The following SAMMSON variants were observed in gnomAD, a reference collection of about 807,000 sequenced individuals.
The protein encoded by SAMMSON is survival associated mitochondrial melanoma specific oncogenic non-coding RNA, also known as long intergenic non-protein coding RNA 1212.
intron 4 of SAMMSON, among the ~76,000 whole-genome samples, chr3:70,214,510 G>A (rs1003926768): frequency 1.3e-5 from 2 of 151,778 alleles, no homozygotes; most frequent in East Asian, 3.9e-4. Flanking sequence ...GGATTAAAGA[G>A]TACAAAAGAA....
intron 6 of SAMMSON, among the ~76,000 whole-genome samples, chr3:70,290,594 C>G (rs927864741): frequency 1.2e-4 from 18 of 152,220 alleles, no homozygotes; most frequent in Non-Finnish European, 2.5e-4. Flanking sequence ...CCACCCAGTT[C>G]GAGTTTCCGG....
chr3:70,085,967 A>G (rs2067283938), intron 4 of SAMMSON, among the ~76,000 whole-genome samples: 1 of 152,188 alleles, frequency 6.6e-6, no homozygotes, highest in African/African-American at 2.4e-5. Flanking sequence ...CAATACTAAG[A>G]GGTCTAGGCT....
chr3:70,043,262 T>C (rs1161935271), intron 3 of SAMMSON, among the ~76,000 whole-genome samples: 1 of 152,146 alleles, frequency 6.6e-6, no homozygotes, highest in Admixed American at 6.6e-5. Flanking sequence ...CAAATTGTTT[T>C]ATCACTGCAT....
At chr3:70,298,772 G>A (rs1702316685) in intron 7 of SAMMSON, among the ~76,000 whole-genome samples, 1 of 152,086 alleles carries the variant, frequency 6.6e-6, no homozygotes, top group Non-Finnish European at 1.5e-5. Flanking sequence ...CCATCTTCAA[G>A]TAGATTTCAA....
At chr3:70,009,740 A>G (rs569249230) in intron 1 of SAMMSON, among the ~76,000 whole-genome samples, 2 of 150,650 alleles carry the variant, frequency 1.3e-5, no homozygotes, top group East Asian at 3.9e-4. Context: ...TAGGGTGTCA[A>G]TTTTAGATCT....
chr3:70,382,274 C>T lies in SAMMSON; in HGVS notation n.914-7300C>T, dbSNP rs73837911. On this transcript the variant is annotated intron_variant and non_coding_transcript_variant, in intron 9 of 9. Coordinates refer to ENST00000642114, the Ensembl canonical transcript of SAMMSON. ...ATATTTCTTCTCTCTTTCTCTTTGG[C>T]GTGTCGTCTCTTAATTCTTAACAGT... Among the ~76,000 whole-genome samples, 189 of 152,176 alleles carry T rather than the reference C, an allele frequency of 1.2e-3. 1 individual carries two copies. The highest frequency in any genetic ancestry group is 4.2e-3 in the African/African-American group (175 of 41,540).
chr3:70,233,462 T>C (rs1331197854), intron 4 of SAMMSON, among the ~76,000 whole-genome samples: 2 of 152,216 alleles, frequency 1.3e-5, no homozygotes, highest in Non-Finnish European at 2.9e-5. Flanking sequence ...CTTTTCGTTG[T>C]TTGCTGTTTA....
At chr3:70,001,403 C>T (rs1158569842) in intron 1 of SAMMSON, among the ~76,000 whole-genome samples, 1 of 150,338 alleles carries the variant, frequency 6.7e-6, no homozygotes, top group African/African-American at 2.4e-5. Context: ...TTCTTGCCCT[C>T]ATGGAACTTA....
At chr3:70,352,986 T>C (rs1341830076) in intron 7 of SAMMSON, among the ~76,000 whole-genome samples, 1 of 152,022 alleles carries the variant, frequency 6.6e-6, no homozygotes, top group Non-Finnish European at 1.5e-5. Flanking sequence ...AACAAAAAGA[T>C]AAATTTTTTC....
intron 4 of SAMMSON, among the ~76,000 whole-genome samples, chr3:70,237,125 C>T (rs758748908): frequency 5.5e-4 from 83 of 152,222 alleles, no homozygotes; most frequent in Non-Finnish European, 1.0e-3. Flanking sequence ...CATTCATTCT[C>T]GAACATTTGC....
At chr3:70,187,679 G>A (rs1010753569) in intron 4 of SAMMSON, among the ~76,000 whole-genome samples, 2 of 151,532 alleles carry the variant, frequency 1.3e-5, no homozygotes, top group African/African-American at 2.4e-5. Context: ...CTCGTGATCC[G>A]CCCGTCTCGG....
intron 4 of SAMMSON, among the ~76,000 whole-genome samples, chr3:70,173,614 A>G (rs1051296464): frequency 6.6e-6 from 1 of 151,916 alleles, no homozygotes. Context: ...AAACTAGATA[A>G]TTTTTGCAAA....
At chr3:70,054,726 C>A (rs55839032) in intron 3 of SAMMSON, among the ~76,000 whole-genome samples, 4 of 152,016 alleles carry the variant, frequency 2.6e-5, no homozygotes, top group Non-Finnish European at 5.9e-5. Flanking sequence ...ACTGGTGGAG[C>A]GGGCAGTGGG....
intron 4 of SAMMSON, among the ~76,000 whole-genome samples, chr3:70,078,554 T>C (rs2067256815): frequency 6.6e-6 from 1 of 152,148 alleles, no homozygotes; most frequent in African/African-American, 2.4e-5. Flanking sequence ...GGCCCGCCAA[T>C]TTTTCAGTGT....
chr3:70,132,120 C>T (rs78248120), intron 4 of SAMMSON, among the ~76,000 whole-genome samples: 16,668 of 152,074 alleles, frequency 0.11, 1,128 homozygotes, highest in African/African-American at 0.17. Context: ...GTTAGGCTTT[C>T]TTCCCTAAGG....
chr3:70,166,316 G>A (rs2067636892), intron 4 of SAMMSON, among the ~76,000 whole-genome samples: 1 of 151,986 alleles, frequency 6.6e-6, no homozygotes, highest in African/African-American at 2.4e-5. Context: ...GAGGCTTTGT[G>A]GTAAGTATTG....
chr3:70,416,173 G>A (rs1701263305), intron 2 of SAMMSON, among the ~76,000 whole-genome samples: 1 of 152,110 alleles, frequency 6.6e-6, no homozygotes, highest in Non-Finnish European at 1.5e-5. Flanking sequence ...TTCTCAGTTC[G>A]TGGTCAAACT....
Position 70,035,164 on chromosome 3 carries a change from G to T in SAMMSON, n.417+21492G>T, listed in dbSNP as rs76922245. Among the ~76,000 whole-genome samples the T allele has an allele frequency of 5.3e-5, 8 of 152,192 alleles. No individual in the cohort carries two copies. In the East Asian group the frequency reaches 1.6e-3, roughly 30 times the overall value. ...GGTTATTGGCAGAATCCAGGCTGTG[G>T]TGTTGTAGGTTGAAGGTCCCTGTTT... On this transcript the variant is annotated intron_variant and non_coding_transcript_variant, in intron 3 of 9. Coordinates refer to ENST00000642114, the Ensembl canonical transcript of SAMMSON.
intron 3 of SAMMSON, among the ~76,000 whole-genome samples, chr3:70,016,683 T>G (rs1308841016): frequency 6.6e-6 from 1 of 152,224 alleles, no homozygotes; most frequent in Admixed American, 6.5e-5. Context: ...CTGAATGGTA[T>G]TGCTTAGATT....
Sources: gnomAD v4.1 joint callset for allele counts (sites outside exome capture counted in the v4.1 genomes callset) on GRCh38, gnomAD v4.1.1 for gene constraint, MANE v1.5 for transcripts, NCBI Gene and HGNC (gene_info 2026-07-23, HGNC 2026-07-21) for gene names.